The following KARS1 variants were observed in gnomAD, a reference collection of about 807,000 sequenced individuals.
KARS1 encodes lysine--tRNA ligase.
Under a neutral mutation model 63.9 loss-of-function variants are expected in KARS1, and 50 were observed. The ratio of observed to expected loss-of-function variants is 0.78; its 90% CI spans 0.62 to 0.99. The LOEUF is 0.99. Among genes scored for constraint, KARS1 ranks in the 50% least tolerant of loss-of-function variants. KARS1 has a pLI of 0.00. For missense variants in KARS1, 816 were observed against 754.5 expected, an observed-to-expected ratio of 1.08 and a Z score of -0.95; for synonymous variants, 320 against 264.6, an observed-to-expected ratio of 1.21 and a Z score of -2.03.
At chr16:75,631,893 C>G (rs1567499337) in intron 7 of KARS1, 38 bp from the exon 8 acceptor site, 17 of 1,261,898 alleles carry the variant, frequency 1.3e-5, no homozygotes, top group Non-Finnish European at 1.9e-5. Flanking sequence ...GACAGCTAAT[C>G]TTTTTTTTTT....
rs550118904 is a variant in KARS1 at position 75,629,798 on chromosome 16, A to G, written c.1425-257T>C. ...TTTTTAGTAGAGACAGGGTTTCGCC[A>G]TATTGGCCAGGTTGGTCTAACGATC... On this transcript the variant is annotated intron_variant, in intron 11 of 13. Transcript: ENST00000302445. 6.6e-5 allele frequency among the ~76,000 whole-genome samples: 10 copies of G among 152,332 alleles called. No individual in the cohort carries two copies. In the East Asian group the frequency reaches 1.5e-3, roughly 24 times the overall value.
At chr16:75,630,367 G>T in intron 11 of KARS1, 56 bp downstream of exon 11, 2 of 1,100,146 alleles carry the variant, frequency 1.8e-6, no homozygotes, top group Non-Finnish European at 2.8e-6. Flanking sequence ...ACAATAAATT[G>T]TTAACACCAC....
chr16:75,638,148 G>A (rs1196973501), intron 3 of KARS1, among the ~76,000 whole-genome samples: 2 of 150,880 alleles, frequency 1.3e-5, no homozygotes, highest in African/African-American at 4.9e-5. Flanking sequence ...AGAGATAGAA[G>A]GAGAATAACA....
chr16:75,641,134 A>T (rs999045006), intron 2 of KARS1, among the ~76,000 whole-genome samples: 7 of 152,126 alleles, frequency 4.6e-5, no homozygotes, highest in Admixed American at 4.6e-4. Flanking sequence ...ACTGCACTCC[A>T]GCCTGGGTGA....
chr16:75,629,232 T>A (rs1010647555), intron 12 of KARS1, among the ~76,000 whole-genome samples, 183 bp downstream of exon 12: 7 of 152,326 alleles, frequency 4.6e-5, no homozygotes, highest in African/African-American at 1.7e-4. Context: ...AAGTTCCTCT[T>A]ATGTACGACA....
At chr16:75,635,060 A>G (rs971736428) in intron 6 of KARS1, among the ~76,000 whole-genome samples, 20 of 152,258 alleles carry the variant, frequency 1.3e-4, no homozygotes, top group African/African-American at 4.6e-4. Flanking sequence ...CAGCATTAAG[A>G]AAGAGTATCT....
At chr16:75,644,296 A>C (rs1467826256) in intron 1 of KARS1, 2 of 1,602,336 alleles carry the variant, frequency 1.2e-6, no homozygotes, top group Non-Finnish European at 1.7e-6. Flanking sequence ...CTTTGATCAG[A>C]AAATGACTTG....
intron 3 of KARS1, 94 bp from the exon 4 acceptor site, chr16:75,636,641 T>G: frequency 6.2e-6 from 5 of 805,382 alleles, no homozygotes; most frequent in East Asian, 5.3e-5. Flanking sequence ...ATTTTTTTTT[T>G]TGTTTTTTTT....
intron 11 of KARS1, 86 bp from the exon 12 acceptor site, chr16:75,629,627 T>G: frequency 6.4e-6 from 9 of 1,415,616 alleles, no homozygotes; most frequent in Non-Finnish European, 8.8e-6. Flanking sequence ...TGAGACGGAG[T>G]CTCGCTCTGT....
chr16:75,644,139 G>A, intron 1 of KARS1: 1 of 642,296 alleles, frequency 1.6e-6, no homozygotes. Flanking sequence ...GAGAAAATGA[G>A]AAAGGACTAT....
rs142913925 is a variant in KARS1 at position 75,647,586 on chromosome 16, C to G, written c.54G>C (p.Leu18=). The G allele has an allele frequency of 1.2e-5, 19 of 1,613,542 alleles. No homozygotes were observed. Among genetic ancestry groups the G allele is most frequent in the Non-Finnish European group, 4.2e-6 (5 of 1,179,804 alleles). The change falls in exon 1 of 14, where the codon CTG becomes CTC. Residue 18 remains leucine, a synonymous_variant. Transcript: ENST00000302445. ...EVKVDGSEPK[L]SKNELKRRLK... ...CTCGCAGCGACACTCACTTCTTGCT[C>G]AGTTTCGGCTCGCTGCCATCCACTT...
At chr16:75,639,903 T>C in intron 3 of KARS1, 3 of 451,862 alleles carry the variant, frequency 6.6e-6, no homozygotes, top group Non-Finnish European at 8.0e-6. Flanking sequence ...AAGACTGGAA[T>C]TCTTAGAAGC....
At chr16:75,639,417 C>G (rs912928387) in intron 3 of KARS1, among the ~76,000 whole-genome samples, 2 of 151,618 alleles carry the variant, frequency 1.3e-5, no homozygotes, top group Non-Finnish European at 2.9e-5. Flanking sequence ...ACTAAAAATA[C>G]AAAACTTAGC....
At chr16:75,644,989 G>C (rs962904942) in intron 1 of KARS1, among the ~76,000 whole-genome samples, 1 of 152,194 alleles carries the variant, frequency 6.6e-6, no homozygotes, top group African/African-American at 2.4e-5. Flanking sequence ...TCCTTAGACT[G>C]CGTTATGTTT....
intron 12 of KARS1, 39 bp from the exon 13 acceptor site, chr16:75,628,751 A>G (rs766392079): frequency 6.2e-7 from 1 of 1,611,536 alleles, no homozygotes; most frequent in South Asian, 1.1e-5. Flanking sequence ...ACCTTCTTCT[A>G]AGATATCTCA....
chr16:75,643,641 A>C (rs968903718), intron 1 of KARS1, among the ~76,000 whole-genome samples: 15 of 152,176 alleles, frequency 9.9e-5, no homozygotes, highest in African/African-American at 3.4e-4. Context: ...GGCCTCCCAA[A>C]GTGCTGGGAT....
At chr16:75,632,110 G>A (rs553816354) in intron 7 of KARS1, among the ~76,000 whole-genome samples, 6 of 152,036 alleles carry the variant, frequency 3.9e-5, no homozygotes, top group African/African-American at 1.2e-4. Flanking sequence ...GGCTGGTCTC[G>A]AACTCCCGAC....
rs937681933 is a variant in KARS1 at position 75,647,466 on chromosome 16, A to C, written c.62+112T>G. 11 of 1,002,960 alleles carry C rather than the reference A, an allele frequency of 1.1e-5. No homozygotes were observed. The African/African-American group carries it at 1.6e-4, about 15-fold the overall frequency. 62.1% of individuals were successfully genotyped at this position (1,002,960 alleles called of 1,614,324 possible). A position where few individuals can be genotyped will look rare whatever the true frequency, so the allele number is the denominator to read the frequency against. ...ACCACGTCTCAGCATGTGCGTACCC[A>C]CGAGAGCCGGCAAGAAGGCCCCGGC... On this transcript the variant is annotated intron_variant, in intron 1 of 13. Transcript: ENST00000302445.
At chr16:75,631,344 C>G (rs1216851057) in intron 9 of KARS1, 72 bp downstream of exon 9, 1 of 1,587,592 alleles carries the variant, frequency 6.3e-7, no homozygotes, top group Middle Eastern at 1.7e-4. Context: ...AATTCTAGCT[C>G]TGACCCAATC....
Sources: gnomAD v4.1 joint callset for allele counts (sites outside exome capture counted in the v4.1 genomes callset) on GRCh38, gnomAD v4.1.1 for gene constraint, MANE v1.5 for transcripts, NCBI Gene and HGNC (gene_info 2026-07-23, HGNC 2026-07-21) for gene names.